Variants in TOX2 observed in about 807,000 individuals in gnomAD.
TOX2 encodes TOX high mobility group box family member 2.
In TOX2, 15 loss-of-function variants were observed where a neutral mutation model predicts 47.4. That is an observed-to-expected ratio of 0.32 (90% confidence interval 0.21 to 0.49). The LOEUF is 0.49. TOX2 is among the 20% of genes least tolerant of loss of function. The pLI, the probability that TOX2 is intolerant of heterozygous loss-of-function variation, is 0.99. For synonymous variants in TOX2, 290 were observed against 296.6 expected (o/e 0.98, Z 0.23); for missense variants, 622 against 673.1 (o/e 0.92, Z 0.84).
rs2071881155 is a variant in TOX2 at position 44,068,723 on chromosome 20, G to T, written c.*37G>T. 5 of 1,613,748 alleles carry T rather than the reference G, an allele frequency of 3.1e-6. No individual in the cohort carries two copies. Among genetic ancestry groups the T allele is most frequent in the Non-Finnish European group, 4.2e-6 (5 of 1,179,836 alleles). Reference sequence around the variant, plus strand: ...TACCATCCCTGAGGCTCGCTGGAAGGCACTGCTCAGAGCCTGAAGGGCTGA... The same window carrying T: ...TACCATCCCTGAGGCTCGCTGGAAGTCACTGCTCAGAGCCTGAAGGGCTGA... On this transcript the variant is annotated 3_prime_UTR_variant, in exon 9 of 9. Coordinates refer to ENST00000341197, the MANE Select transcript of TOX2 (RefSeq NM_001098797.2).
intron 2 of TOX2, among the ~76,000 whole-genome samples, chr20:44,002,021 G>A (rs2070592324): frequency 6.6e-6 from 1 of 152,140 alleles, no homozygotes; most frequent in Admixed American, 6.5e-5. Context: ...AGCACCACAG[G>A]GTGATGTGTG....
intron 3 of TOX2, among the ~76,000 whole-genome samples, chr20:44,049,740 G>A (rs980358019): frequency 3.9e-5 from 6 of 152,158 alleles, no homozygotes; most frequent in African/African-American, 1.4e-4. Context: ...AAAACATGAG[G>A]TGTTTGGTTT....
chr20:43,925,050 G>T (rs1372061734), intron 1 of TOX2, among the ~76,000 whole-genome samples: 27 of 152,060 alleles, frequency 1.8e-4, no homozygotes, highest in Non-Finnish European at 4.0e-4. Context: ...TATCATCGTG[G>T]TCTATTCTTC....
At chr20:43,969,102 G>A (rs919917815) in intron 1 of TOX2, among the ~76,000 whole-genome samples, 3 of 152,196 alleles carry the variant, frequency 2.0e-5, no homozygotes, top group African/African-American at 7.2e-5. Flanking sequence ...CCTTGTGTGC[G>A]TGCTGTGGTT....
intron 2 of TOX2, among the ~76,000 whole-genome samples, chr20:43,975,823 C>T (rs185779732): frequency 7.2e-4 from 110 of 152,230 alleles, no homozygotes; most frequent in African/African-American, 2.4e-3. Context: ...TCTCTCTGGT[C>T]CAATGCTGTG....
chr20:44,033,115 G>A (rs917588673), intron 3 of TOX2, among the ~76,000 whole-genome samples: 3 of 152,120 alleles, frequency 2.0e-5, no homozygotes, highest in African/African-American at 4.8e-5. Context: ...GGAGAAATTT[G>A]TCAGCGTGCA....
At chr20:44,057,308 G>T (rs954855698) in intron 5 of TOX2, among the ~76,000 whole-genome samples, 2 of 152,184 alleles carry the variant, frequency 1.3e-5, no homozygotes, top group African/African-American at 2.4e-5. Flanking sequence ...CTAAAAAAGA[G>T]ATGTTCAGCA....
At chr20:43,987,102 A>G (rs1359674397) in intron 2 of TOX2, among the ~76,000 whole-genome samples, 1 of 152,204 alleles carries the variant, frequency 6.6e-6, no homozygotes, top group East Asian at 1.9e-4. Flanking sequence ...TTAAAGCTCA[A>G]AACTGAAAAC....
Position 43,915,340 on chromosome 20 carries a change from CTT to C in TOX2, c.99+351_99+352del, listed in dbSNP as rs1394801196. Among the ~76,000 whole-genome samples the C allele has an allele frequency of 1.3e-5, 2 of 152,182 alleles. No individual in the cohort carries two copies. Among genetic ancestry groups the C allele is most frequent in the Admixed American group, 6.5e-5 (1 of 15,280 alleles). On this transcript the variant is annotated intron_variant, in intron 1 of 8. Transcript: ENST00000341197. The surrounding 1 kb of genome is among the most constrained non-coding windows in gnomAD (Gnocchi z 7.1). ...CCCACGCAAGTCACCCTGACAGTCACTTATACACAACGACACGCAACCACTCA... is the reference window on the plus strand; with the variant it reads ...CCCACGCAAGTCACCCTGACAGTCACATACACAACGACACGCAACCACTCA...
chr20:44,000,462 G>A (rs973485325), intron 2 of TOX2, among the ~76,000 whole-genome samples: 6 of 152,184 alleles, frequency 3.9e-5, no homozygotes, highest in African/African-American at 1.2e-4. Context: ...AGCTGAGGTG[G>A]AGAAGACTGT....
At chr20:43,971,419 GC>G (rs1421020134) in intron 1 of TOX2, among the ~76,000 whole-genome samples, 4 of 152,260 alleles carry the variant, frequency 2.6e-5, no homozygotes, top group Admixed American at 6.5e-5. Context: ...GCCCACAGGG[GC>G]TGGGGCTGGC....
intron 3 of TOX2, among the ~76,000 whole-genome samples, chr20:44,051,085 C>T (rs566202013): frequency 1.3e-5 from 2 of 152,338 alleles, no homozygotes; most frequent in African/African-American, 2.4e-5. Context: ...AGTAGAATGG[C>T]ACACAGCCAC....
intron 1 of TOX2, among the ~76,000 whole-genome samples, chr20:43,954,745 C>T (rs1427374158): frequency 6.6e-6 from 1 of 152,214 alleles, no homozygotes; most frequent in African/African-American, 2.4e-5. Context: ...TTCTCTGTCA[C>T]ATTAAATGCT....
intron 1 of TOX2, among the ~76,000 whole-genome samples, chr20:43,952,258 C>G (rs771006305): frequency 7.7e-4 from 117 of 151,962 alleles, no homozygotes; most frequent in Non-Finnish European, 1.5e-3. Flanking sequence ...AGGCTGGTGT[C>G]AAACTCCTAG....
rs184439038 is a variant in TOX2 at position 44,051,096 on chromosome 20, G to A, written c.412-210G>A. Among the ~76,000 whole-genome samples, 17 of 152,314 alleles carry A rather than the reference G, an allele frequency of 1.1e-4. 1 individual carries two copies. The East Asian group carries it at 1.5e-3, about 14-fold the overall frequency. On this transcript the variant is annotated intron_variant, in intron 3 of 8. Coordinates refer to ENST00000341197, the MANE Select transcript of TOX2 (RefSeq NM_001098797.2). ...TGTCAGTAGAATGGCACACAGCCAC[G>A]GAGCTGCCGGTTTCCCACGAGTGCA... is the stretch of plus-strand genomic sequence containing the variant.
chr20:43,938,738 T>G (rs141048930), intron 1 of TOX2, among the ~76,000 whole-genome samples: 1,868 of 152,314 alleles, frequency 0.012, 24 homozygotes, highest in Middle Eastern at 0.027. Context: ...CCACACTGGC[T>G]TTAGCTGAAC....
Position 44,054,525 on chromosome 20 carries a change from A to T in TOX2, c.878A>T (p.Gln293Leu), listed in dbSNP as rs1327456523. 1 of 1,613,418 alleles carries T rather than the reference A, an allele frequency of 6.2e-7. No individual in the cohort carries two copies. Among genetic ancestry groups the T allele is most frequent in the East Asian group, 2.2e-5 (1 of 44,842 alleles). The change falls in exon 5 of 9, where the codon CAG (glutamine) becomes CTG (leucine). Residue 293 changes from glutamine to leucine, a missense_variant and splice_region_variant. Physicochemically the swap from Gln to Leu is moderately radical, Grantham distance 113 (BLOSUM62 -2). Coordinates refer to ENST00000341197, the MANE Select transcript of TOX2 (RefSeq NM_001098797.2). ...GACAGCCTGGGAGAGGAACAGAAGC[A>T]GGTGAGCCTCCCTCTCTTTCTGGGC... is the stretch of plus-strand genomic sequence containing the variant. ...MWDSLGEEQK[Q>L]AYKRKTEAAK...
At chr20:43,972,538 C>A (rs995852643) in intron 1 of TOX2, among the ~76,000 whole-genome samples, 2 of 152,128 alleles carry the variant, frequency 1.3e-5, no homozygotes, top group Non-Finnish European at 2.9e-5. Flanking sequence ...GAATTAAGTC[C>A]TCTCCATATT....
At chr20:43,996,877 TACA>T (rs1220710771) in intron 2 of TOX2, among the ~76,000 whole-genome samples, 1 of 152,108 alleles carries the variant, frequency 6.6e-6, no homozygotes, top group Non-Finnish European at 1.5e-5. Flanking sequence ...TAACTCTCAA[TACA>T]TGAGAGTTAC....
Sources: allele counts gnomAD v4.1 joint callset (sites outside exome capture counted in the v4.1 genomes callset), GRCh38; gene constraint gnomAD v4.1.1; non-coding constraint Gnocchi (gnomAD v3.1); transcripts MANE v1.5; gene names NCBI Gene and HGNC (gene_info 2026-07-23, HGNC 2026-07-21).